Variants in ISLR2 observed in about 807,000 individuals in gnomAD.
The protein encoded by ISLR2 is immunoglobulin superfamily containing leucine rich repeat 2, also known as immunoglobulin superfamily containing leucine-rich repeat protein 2.
ISLR2 carries 16 observed loss-of-function variants against 25.5 expected under a neutral mutation model. The observed-to-expected ratio is 0.63, with a 90% confidence interval of 0.43 to 0.95. The LOEUF is 0.95. Ranked by LOEUF, ISLR2 falls within the 40% of genes least tolerant of loss-of-function variation. ISLR2 has a pLI of 0.00. For missense variants in ISLR2, 883 were observed against 1,030.7 expected, an observed-to-expected ratio of 0.86 and a Z score of 1.96; for synonymous variants, 508 against 486.6, an observed-to-expected ratio of 1.04 and a Z score of -0.58.
intron 1 of ISLR2, among the ~76,000 whole-genome samples, chr15:74,102,124 A>G (rs2072085192): frequency 7.1e-6 from 1 of 141,540 alleles, no homozygotes. Flanking sequence ...AGACTGAGTC[A>G]CAAGAATCGC....
chr15:74,134,815 T>G lies in ISLR2; in HGVS notation c.2061T>G (p.Ser687Arg), dbSNP rs557475708. 49 of 1,613,978 alleles carry G rather than the reference T, an allele frequency of 3.0e-5. 1 individual carries two copies. In the East Asian group the frequency reaches 7.4e-4, roughly 24 times the overall value. ...AAGACGCGGAGCAGGGAGACCCAAG[T>G]GGGGACCTGCAGAGAGAGGAGAGCC... ...LDEDAEQGDP[S>R]GDLQREESLA... Residue 687 changes from serine to arginine, a missense_variant, in exon 3 of 3, where the codon AGT (serine) becomes AGG (arginine). Physicochemically the swap from Ser to Arg is moderately radical, Grantham distance 110. Coordinates refer to ENST00000453268, the MANE Select transcript of ISLR2 (RefSeq NM_020851.3).
At chr15:74,117,161 T>C (rs574805141) in intron 2 of ISLR2, among the ~76,000 whole-genome samples, 4 of 152,284 alleles carry the variant, frequency 2.6e-5, no homozygotes, top group African/African-American at 9.6e-5. Context: ...TTTCATCAGC[T>C]ACAGTTACTT....
At position 74,134,403 on chromosome 15, in the gene ISLR2, T is replaced by A; in HGVS notation, c.1649T>A (p.Val550Asp). 6.2e-7 allele frequency: 1 copy of A among 1,611,036 alleles called. No homozygotes were observed. The highest frequency in any genetic ancestry group is 8.5e-7 in the Non-Finnish European group (1 of 1,179,428). ...AVQWSRVEEG[V>D]NAYWFRGLRP... is the part of the protein sequence containing the mutation. ...CAGTGGTCCCGCGTAGAGGAAGGCG[T>A]CAACGCCTACTGGTTCCGCGGCCTG... Residue 550 changes from valine (V) to aspartate (D), a missense_variant, in exon 3 of 3, where the codon GTC (valine) becomes GAC (aspartate). By Grantham distance (152) the Val-to-Asp change is radical. Coordinates refer to ENST00000453268, the MANE Select transcript of ISLR2 (RefSeq NM_020851.3).
upstream of ISLR2, chr15:74,126,787 G>A (rs185652049): frequency 6.6e-6 from 1 of 152,500 alleles, no homozygotes; most frequent in Admixed American, 6.5e-5. Flanking sequence ...ACAAGGAAAG[G>A]CCGGAGGAGG....
chr15:74,141,404 A>G (rs564621181), downstream of ISLR2, among the ~76,000 whole-genome samples: 30 of 152,332 alleles, frequency 2.0e-4, no homozygotes, highest in Non-Finnish European at 4.3e-4. Context: ...CTATGATTAT[A>G]TAAATTACCG....
At chr15:74,131,073 C>T (rs2141950815) in intron 1 of ISLR2, 134 bp from the exon 2 acceptor site, 1 of 152,670 alleles carries the variant, frequency 6.6e-6, no homozygotes, top group African/African-American at 2.4e-5. Flanking sequence ...TGCGCAAGGA[C>T]TTTCTCCAAC....
upstream of ISLR2, among the ~76,000 whole-genome samples, chr15:74,124,986 A>G (rs780977426): frequency 1.2e-4 from 18 of 152,166 alleles, no homozygotes; most frequent in Non-Finnish European, 2.4e-4. Context: ...TACACTTAAT[A>G]CTTTCCATCC....
At chr15:74,127,090 C>T (rs1567158329), upstream of ISLR2, 1 of 152,130 alleles carries the variant, frequency 6.6e-6, no homozygotes, top group Non-Finnish European at 1.5e-5. Context: ...TGGGCCCCGG[C>T]TTTCTTATTC....
chr15:74,133,746 G>T lies in ISLR2; in HGVS notation c.992G>T (p.Arg331Leu). 1 of 1,612,894 alleles carries T rather than the reference G, an allele frequency of 6.2e-7. No homozygotes were observed. Among genetic ancestry groups the T allele is most frequent in the Non-Finnish European group, 8.5e-7 (1 of 1,179,528 alleles). ...TGGCCGGCGCCCCCAGCCACACCGC[G>T]CTTCCTGGCCCTCGCAAATGGCTCC... ...PAWPAPPATP[R>L]FLALANGSLL... Residue 331 changes from arginine to leucine, a missense_variant, in exon 3 of 3, where the codon CGC (arginine) becomes CTC (leucine). Transcript: ENST00000453268.
chr15:74,139,571 C>A (rs1313528671), downstream of ISLR2, among the ~76,000 whole-genome samples: 1 of 152,184 alleles, frequency 6.6e-6, no homozygotes, highest in Non-Finnish European at 1.5e-5. Context: ...TCACATTCCA[C>A]TCCCCGCTTC....
rs928465218 is a variant in ISLR2 at position 74,136,031 on chromosome 15, T to G, written c.*1039T>G. On this transcript the variant is annotated 3_prime_UTR_variant, in exon 3 of 3. Coordinates refer to ENST00000453268, the MANE Select transcript of ISLR2 (RefSeq NM_020851.3). ...GACAGCGACATTTCGGGTCTGGTGC[T>G]AACACCCCCTTCCCAGCCTCTGGGA... The G allele has an allele frequency of 3.6e-5, 6 of 167,048 alleles. No individual in the cohort carries two copies. The highest frequency in any genetic ancestry group is 7.3e-5 in the Non-Finnish European group (5 of 68,132). 10.3% of individuals were successfully genotyped at this position (167,048 alleles called of 1,614,324 possible).
chr15:74,124,070 G>T (rs1431645382), upstream of ISLR2, among the ~76,000 whole-genome samples: 3 of 151,606 alleles, frequency 2.0e-5, no homozygotes, highest in African/African-American at 7.3e-5. Flanking sequence ...GTTTCCTGAA[G>T]TTGGTCACAC....
Position 74,133,388 on chromosome 15 carries a change from G to T in ISLR2, c.634G>T (p.Ala212Ser). 1 of 1,607,434 alleles carries T rather than the reference G, an allele frequency of 6.2e-7. No individual in the cohort carries two copies. The change falls in exon 3 of 3, where the codon GCC becomes TCC. Residue 212 changes from alanine (A) to serine (S), a missense_variant. By Grantham distance (99) the Ala-to-Ser change is moderately conservative. Coordinates refer to ENST00000453268, the MANE Select transcript of ISLR2 (RefSeq NM_020851.3). The part of the protein sequence containing the change: ...SLPEPDSIAC[A>S]SPPALQGVPV... Reference sequence around the variant, plus strand: ...ACCCGAGCCCGACTCCATTGCTTGTGCCTCGCCTCCCGCGCTGCAGGGGGT... The same window carrying T: ...ACCCGAGCCCGACTCCATTGCTTGTTCCTCGCCTCCCGCGCTGCAGGGGGT...
At chr15:74,137,997 C>T (rs1304958525), downstream of ISLR2, among the ~76,000 whole-genome samples, 1 of 151,712 alleles carries the variant, frequency 6.6e-6, no homozygotes, top group Non-Finnish European at 1.5e-5. Context: ...CTGCTAGTTC[C>T]ATAAAAACAA....
intron 2 of ISLR2, among the ~76,000 whole-genome samples, chr15:74,105,708 G>A (rs555298615): frequency 3.3e-5 from 5 of 151,702 alleles, no homozygotes; most frequent in East Asian, 1.9e-4. Context: ...CTGTGGCAGC[G>A]AGCCAAGCAA....
chr15:74,135,304 G>A lies in ISLR2; in HGVS notation c.*312G>A, dbSNP rs545400269. 3.2e-6 allele frequency: 1 copy of A among 314,200 alleles called. No homozygotes were observed. The highest frequency in any genetic ancestry group is 5.9e-5 in the East Asian group (1 of 16,990). The allele number at this position is 314,200 out of a possible 1,614,324, so 19.5% of individuals were successfully genotyped here. ...ATCTATGTCCCTCCATTCCCGTCGC[G>A]ATTATCTGCGAAATCCACCCCGCAG... On this transcript the variant is annotated 3_prime_UTR_variant, in exon 3 of 3. Transcript: ENST00000453268.
chr15:74,140,908 A>G (rs904646413), downstream of ISLR2, among the ~76,000 whole-genome samples: 27 of 152,236 alleles, frequency 1.8e-4, no homozygotes, highest in African/African-American at 5.8e-4. Flanking sequence ...ACTGGCATAT[A>G]GAAGAGATTA....
At chr15:74,115,686 C>T (rs976285098) in intron 2 of ISLR2, among the ~76,000 whole-genome samples, 4 of 151,734 alleles carry the variant, frequency 2.6e-5, no homozygotes, top group Non-Finnish European at 5.9e-5. Flanking sequence ...CAGAGTAAGA[C>T]CCTGTCTCAA....
At chr15:74,112,602 G>A (rs1396576933) in intron 2 of ISLR2, among the ~76,000 whole-genome samples, 4 of 149,118 alleles carry the variant, frequency 2.7e-5, no homozygotes, top group East Asian at 2.0e-4. Flanking sequence ...ATCTCAGCTC[G>A]CTGCAACCTC....
Sources: gnomAD v4.1 joint callset for allele counts (sites outside exome capture counted in the v4.1 genomes callset) on GRCh38, gnomAD v4.1.1 for gene constraint, MANE v1.5 for transcripts, NCBI Gene and HGNC (gene_info 2026-07-23, HGNC 2026-07-21) for gene names.